The following ZNF804A variants were observed in gnomAD, a reference collection of about 807,000 sequenced individuals.
The protein encoded by ZNF804A is zinc finger protein 804A.
ZNF804A carries 2 observed loss-of-function variants against 16.5 expected under a neutral mutation model. That is an observed-to-expected ratio of 0.12 (90% CI 0.05 to 0.38). The LOEUF (loss-of-function observed/expected upper bound fraction) is 0.38, where lower values mean the gene tolerates loss of function less well. Ranked by LOEUF, ZNF804A falls within the 10% of genes least tolerant of loss-of-function variation. The pLI, the probability that ZNF804A is intolerant of heterozygous loss-of-function variation, is 0.99. For missense variants in ZNF804A, 1,473 were observed against 1,390.7 expected (o/e 1.06, Z -0.94); for synonymous variants, 534 against 489.6 (o/e 1.09, Z -1.20).
chr2:184,642,901 T>C (rs572961096), intron 1 of ZNF804A, among the ~76,000 whole-genome samples: 55 of 152,162 alleles, frequency 3.6e-4, no homozygotes, highest in Non-Finnish European at 4.0e-4. Context: ...CTTGATATGG[T>C]AATGGATAAT....
chr2:184,630,877 A>G (rs1323236422), intron 1 of ZNF804A, among the ~76,000 whole-genome samples: 2 of 152,162 alleles, frequency 1.3e-5, no homozygotes, highest in African/African-American at 4.8e-5. Flanking sequence ...AAAAAAATAC[A>G]TTAAAAATAT....
chr2:184,729,883 G>T (rs777223641), intron 1 of ZNF804A, among the ~76,000 whole-genome samples: 1 of 152,034 alleles, frequency 6.6e-6, no homozygotes, highest in Non-Finnish European at 1.5e-5. Context: ...GTGTGATCAG[G>T]CATTGAATAT....
At chr2:184,861,717 G>A (rs145288010) in intron 1 of ZNF804A, among the ~76,000 whole-genome samples, 21 of 152,234 alleles carry the variant, frequency 1.4e-4, no homozygotes, top group East Asian at 7.7e-4. Context: ...TATGAATTGC[G>A]TCATGTTGGA....
At chr2:184,729,416 A>G (rs1693475526) in intron 1 of ZNF804A, among the ~76,000 whole-genome samples, 1 of 151,996 alleles carries the variant, frequency 6.6e-6, no homozygotes, top group Non-Finnish European at 1.5e-5. Flanking sequence ...AGTATATGCC[A>G]ACAGTGAAAC....
At chr2:184,654,022 T>A (rs1692034252) in intron 1 of ZNF804A, among the ~76,000 whole-genome samples, 1 of 152,158 alleles carries the variant, frequency 6.6e-6, no homozygotes, top group South Asian at 2.1e-4. Flanking sequence ...AGAGATACAG[T>A]GTGATAACTG....
intron 2 of ZNF804A, among the ~76,000 whole-genome samples, chr2:184,928,271 T>C (rs2105840077): frequency 6.6e-6 from 1 of 152,270 alleles, no homozygotes; most frequent in East Asian, 1.9e-4. Context: ...TTAGAAATGT[T>C]TTCCTGAAGC....
intron 2 of ZNF804A, among the ~76,000 whole-genome samples, chr2:184,892,575 C>T (rs1685004839): frequency 1.3e-5 from 2 of 149,454 alleles, no homozygotes; most frequent in African/African-American, 4.9e-5. Flanking sequence ...ACCTCCGCCT[C>T]CAAGGTTCAA....
intron 1 of ZNF804A, among the ~76,000 whole-genome samples, chr2:184,639,838 T>C (rs1691764203): frequency 6.6e-6 from 1 of 151,856 alleles, no homozygotes; most frequent in South Asian, 2.1e-4. Context: ...CCGTCTCTAC[T>C]AAAAATACAA....
intron 1 of ZNF804A, among the ~76,000 whole-genome samples, chr2:184,715,887 C>T (rs150531946): frequency 1.2e-3 from 183 of 152,162 alleles, no homozygotes; most frequent in African/African-American, 3.8e-3. Context: ...TTGCTTCACG[C>T]GGGTTTTGGC....
At chr2:184,647,472 T>C (rs759502196) in intron 1 of ZNF804A, among the ~76,000 whole-genome samples, 7 of 152,132 alleles carry the variant, frequency 4.6e-5, no homozygotes, top group African/African-American at 1.4e-4. Flanking sequence ...ATCCAATACA[T>C]GGTTGAAAAT....
At chr2:184,903,739 A>G (rs1685222678) in intron 2 of ZNF804A, among the ~76,000 whole-genome samples, 1 of 152,130 alleles carries the variant, frequency 6.6e-6, no homozygotes, top group African/African-American at 2.4e-5. Context: ...ACATATGAAA[A>G]GCAGTACATA....
chr2:184,686,351 TCAGTGGCCGCTC>T (rs1378017259), intron 1 of ZNF804A, among the ~76,000 whole-genome samples: 7 of 152,186 alleles, frequency 4.6e-5, no homozygotes, highest in African/African-American at 1.4e-4. Context: ...CAACATCTTC[TCAGTGGCCGCTC>T]CAGACAGACC....
intron 1 of ZNF804A, among the ~76,000 whole-genome samples, chr2:184,810,081 C>T (rs573311622): frequency 2.1e-3 from 325 of 152,216 alleles, no homozygotes; most frequent in Non-Finnish European, 4.0e-3. Flanking sequence ...AGGACTAAAT[C>T]CAGTCTGAAA....
intron 2 of ZNF804A, among the ~76,000 whole-genome samples, chr2:184,881,677 C>T (rs1684812219): frequency 6.6e-6 from 1 of 151,792 alleles, no homozygotes; most frequent in African/African-American, 2.4e-5. Flanking sequence ...TCTAGCTAGC[C>T]AAGCCAAGCT....
rs28572292 is a variant in ZNF804A, at chr2:184,659,254, A to G, written c.111+60184A>G. Among the ~76,000 whole-genome samples, 857 of 152,230 alleles carry G rather than the reference A, an allele frequency of 5.6e-3. 5 individuals are homozygous for G. The highest frequency in any genetic ancestry group is 0.019 in the African/African-American group (770 of 41,542). On this transcript the variant is annotated intron_variant, in intron 1 of 3. Transcript: ENST00000302277. Reference sequence around the variant, plus strand: ...CAGAGGTTAAGACATGGTTTGCTGGACTGATTGCTGAAGCAATTGTGGTTA... The same window carrying G: ...CAGAGGTTAAGACATGGTTTGCTGGGCTGATTGCTGAAGCAATTGTGGTTA...
chr2:184,715,733 A>G (rs190758605), intron 1 of ZNF804A, among the ~76,000 whole-genome samples: 17 of 152,158 alleles, frequency 1.1e-4, no homozygotes, highest in Admixed American at 9.8e-4. Flanking sequence ...CAATTATTCT[A>G]TCATGTTCTT....
chr2:184,926,097 T>C lies in ZNF804A; in HGVS notation c.256-7506T>C, dbSNP rs567010290. On this transcript the variant is annotated intron_variant, in intron 2 of 3. Transcript: ENST00000302277. Reference sequence around the variant, plus strand: ...CTGTGTACTTACTATTACCAGTGAATATTGTATCTTCAGATGATTTCTTAT... The same window carrying C: ...CTGTGTACTTACTATTACCAGTGAACATTGTATCTTCAGATGATTTCTTAT... Among the ~76,000 whole-genome samples the C allele has an allele frequency of 2.5e-4, 38 of 152,188 alleles. 1 individual carries two copies. The highest frequency in any genetic ancestry group is 8.9e-4 in the African/African-American group (37 of 41,552).
At chr2:184,692,664 T>G (rs993705117) in intron 1 of ZNF804A, among the ~76,000 whole-genome samples, 1 of 152,192 alleles carries the variant, frequency 6.6e-6, no homozygotes, top group African/African-American at 2.4e-5. Context: ...CAGAAATCTG[T>G]CTATTTTATT....
At chr2:184,629,155 A>G (rs1362835823) in intron 1 of ZNF804A, among the ~76,000 whole-genome samples, 1 of 152,072 alleles carries the variant, frequency 6.6e-6, no homozygotes, top group Non-Finnish European at 1.5e-5. Context: ...CATTCTTTAT[A>G]TATTCATAGT....
Sources: allele counts gnomAD v4.1 joint callset (sites outside exome capture counted in the v4.1 genomes callset), GRCh38; gene constraint gnomAD v4.1.1; transcripts MANE v1.5; gene names NCBI Gene and HGNC (gene_info 2026-07-23, HGNC 2026-07-21).